The following TMEM156 variants were observed in gnomAD, a reference collection of about 807,000 sequenced individuals.
TMEM156 encodes transmembrane protein 156.
Under a neutral mutation model 30.5 loss-of-function variants are expected in TMEM156, and 28 were observed. The observed-to-expected ratio is 0.92, with a 90% CI of 0.68 to 1.26. TMEM156 has a LOEUF of 1.26. Ranked by LOEUF, TMEM156 falls within the 50% of genes most tolerant of loss-of-function variation. The pLI, the probability that TMEM156 is intolerant of heterozygous loss-of-function variation, is 0.00. For missense variants in TMEM156, 351 were observed against 340.6 expected, an observed-to-expected ratio of 1.03 and a Z score of -0.24; for synonymous variants, 137 against 119.9, an observed-to-expected ratio of 1.14 and a Z score of -0.93.
chr4:39,003,028 TATA>T (rs1430278513), intron 1 of TMEM156, among the ~76,000 whole-genome samples: 2 of 152,052 alleles, frequency 1.3e-5, no homozygotes, highest in African/African-American at 4.8e-5. Context: ...AAACTTAAAG[TATA>T]ATAATAAAAA....
intron 3 of TMEM156, among the ~76,000 whole-genome samples, chr4:38,992,729 A>G (rs1712599217): frequency 8.0e-5 from 4 of 49,782 alleles, no homozygotes. Flanking sequence ...TATATAATAT[A>G]TATATAATAT....
intron 1 of TMEM156, among the ~76,000 whole-genome samples, chr4:39,022,551 T>G (rs1714939030): frequency 6.6e-6 from 1 of 152,238 alleles, no homozygotes; most frequent in South Asian, 2.1e-4. Flanking sequence ...TAACTCTACA[T>G]TTCTAAAGTT....
rs143065125 is a variant in TMEM156, at chr4:38,976,563, G to A, written c.824-5426C>T. 3.9e-4 allele frequency among the ~76,000 whole-genome samples: 60 copies of A among 152,302 alleles called. No individual in the cohort carries two copies. The East Asian group carries it at 8.9e-3, about 23-fold the overall frequency. On this transcript the variant is annotated intron_variant, in intron 5 of 6. Coordinates refer to ENST00000381938, the MANE Select transcript of TMEM156 (RefSeq NM_024943.3). ...TAAGCAGAAGATCCGGTTAAGCCACGCACAGATATCTGACCAACAGAAACT... is the reference window on the plus strand; with the variant it reads ...TAAGCAGAAGATCCGGTTAAGCCACACACAGATATCTGACCAACAGAAACT...
At chr4:38,996,915 GGATA>G (rs1192295552) in intron 2 of TMEM156, among the ~76,000 whole-genome samples, 2 of 152,064 alleles carry the variant, frequency 1.3e-5, no homozygotes, top group Non-Finnish European at 2.9e-5. Flanking sequence ...CTGGAGAGAT[GGATA>G]GATAGATAGA....
At chr4:38,978,478 G>A (rs2109881855) in intron 5 of TMEM156, among the ~76,000 whole-genome samples, 1 of 152,260 alleles carries the variant, frequency 6.6e-6, no homozygotes, top group East Asian at 1.9e-4. Flanking sequence ...AATATGGGCT[G>A]AATGATCAAA....
intron 1 of TMEM156, among the ~76,000 whole-genome samples, chr4:39,020,265 T>A (rs1179285982): frequency 3.3e-5 from 5 of 152,340 alleles, no homozygotes; most frequent in Non-Finnish European, 5.9e-5. Flanking sequence ...GCAATGGATA[T>A]GGGAGTTCAG....
chr4:38,998,222 T>A (rs1226303708), intron 2 of TMEM156, among the ~76,000 whole-genome samples: 1 of 152,118 alleles, frequency 6.6e-6, no homozygotes, highest in African/African-American at 2.4e-5. Context: ...GCCACATCAT[T>A]GAATGTTCCA....
chr4:39,005,819 C>A (rs1713690493), intron 1 of TMEM156, among the ~76,000 whole-genome samples: 1 of 152,146 alleles, frequency 6.6e-6, no homozygotes, highest in Admixed American at 6.5e-5. Flanking sequence ...TTTAGTGTTT[C>A]TTCAGTTTTA....
intron 1 of TMEM156, among the ~76,000 whole-genome samples, chr4:39,003,585 C>A (rs191958814): frequency 1.5e-4 from 23 of 152,112 alleles, no homozygotes; most frequent in Admixed American, 6.6e-4. Flanking sequence ...CCGCCCACCT[C>A]GGCCTCCCAA....
intron 5 of TMEM156, among the ~76,000 whole-genome samples, chr4:38,975,415 C>T (rs1722803818): frequency 7.6e-6 from 1 of 132,084 alleles, no homozygotes; most frequent in Non-Finnish European, 1.6e-5. Flanking sequence ...CAGAGTCTCG[C>T]TTTTTCACCC....
rs563091364 is a variant in TMEM156 at position 39,028,928 on chromosome 4, A to T, written c.88+3298T>A. 2.6e-5 allele frequency among the ~76,000 whole-genome samples: 4 copies of T among 152,358 alleles called. No homozygotes were observed. The East Asian group carries it at 7.7e-4, about 29-fold the overall frequency. ...AATAGTGCATACCCAATGCAAACCC[A>T]TTAAAAGTCTCACACAGTGTTGAAG... On this transcript the variant is annotated intron_variant, in intron 1 of 6. Coordinates refer to ENST00000381938, the MANE Select transcript of TMEM156 (RefSeq NM_024943.3).
intron 5 of TMEM156, among the ~76,000 whole-genome samples, chr4:38,978,621 A>G (rs1723015263): frequency 6.6e-6 from 1 of 152,172 alleles, no homozygotes. Flanking sequence ...TCTGATTTTA[A>G]TCTATAAAAT....
At position 38,993,948 on chromosome 4, in the gene TMEM156, G is replaced by C; in HGVS notation, c.409C>G (p.Pro137Ala). ...MEVKANDFHS[P>A]CQHFNFSVAP... ...ACACTGAAGTTAAAGTGCTGACAAG[G>C]TGAATGAAAATCATTTGCTTTCACT... is the stretch of plus-strand genomic sequence containing the variant. The change falls in exon 3 of 7, where the codon CCT becomes GCT. Residue 137 changes from proline (P) to alanine (A), a missense_variant. Coordinates refer to ENST00000381938, the MANE Select transcript of TMEM156 (RefSeq NM_024943.3). 1.2e-6 allele frequency: 2 copies of C among 1,613,952 alleles called. No individual in the cohort carries two copies. Among genetic ancestry groups the C allele is most frequent in the Non-Finnish European group, 1.7e-6 (2 of 1,179,894 alleles).
intron 1 of TMEM156, among the ~76,000 whole-genome samples, chr4:39,013,736 TA>T (rs1384786316): frequency 2.0e-5 from 3 of 152,102 alleles, no homozygotes; most frequent in Non-Finnish European, 4.4e-5. Flanking sequence ...AGTGTGTATT[TA>T]AAAAAGCTAA....
At chr4:38,972,950 TTC>T (rs946034227) in intron 5 of TMEM156, among the ~76,000 whole-genome samples, 31 of 152,216 alleles carry the variant, frequency 2.0e-4, no homozygotes, top group Non-Finnish European at 3.4e-4. Context: ...GATGAGTCTC[TTC>T]TCTGAGTTTT....
rs1219406883 is a variant in TMEM156 at position 39,032,383 on chromosome 4, T to G, written c.-70A>C. On this transcript the variant is annotated 5_prime_UTR_variant, in exon 1 of 7. Coordinates refer to ENST00000381938, the MANE Select transcript of TMEM156 (RefSeq NM_024943.3). Reference sequence around the variant, plus strand: ...GGTATGTTGCTTCCTGCTTTAAGTTTATCTCTGCAGCACTTTAGGTTAATG... The same window carrying G: ...GGTATGTTGCTTCCTGCTTTAAGTTGATCTCTGCAGCACTTTAGGTTAATG... 2.1e-6 allele frequency: 2 copies of G among 932,302 alleles called. No homozygotes were observed. The highest frequency in any genetic ancestry group is 1.6e-5 in the African/African-American group (1 of 61,136). 57.8% of individuals were successfully genotyped at this position (932,302 alleles called of 1,614,324 possible).
intron 1 of TMEM156, among the ~76,000 whole-genome samples, chr4:39,014,980 C>G (rs964652371): frequency 3.3e-5 from 5 of 152,088 alleles, no homozygotes; most frequent in Non-Finnish European, 4.4e-5. Context: ...AGATTAAAAA[C>G]CATGGACTGA....
intron 1 of TMEM156, among the ~76,000 whole-genome samples, chr4:38,999,188 C>T (rs1272015970): frequency 7.0e-6 from 1 of 143,350 alleles, no homozygotes; most frequent in Admixed American, 7.4e-5. Flanking sequence ...GTAATCATAG[C>T]TTACTGCAGC....
rs571497425 is a variant in TMEM156, at chr4:39,013,589, C to T, written c.89-14680G>A. Among the ~76,000 whole-genome samples, 532 of 151,702 alleles carry T rather than the reference C, an allele frequency of 3.5e-3. 1 individual carries two copies. Among genetic ancestry groups the T allele is most frequent in the African/African-American group, 0.012 (509 of 41,404 alleles). On this transcript the variant is annotated intron_variant, in intron 1 of 6. Transcript: ENST00000381938. The stretch of plus-strand genomic sequence containing the variant: ...CTAATTTTTTGTATTTTAATAGAGA[C>T]GGGGGTTTCACCATGTTGGCCAGGA...
Sources: allele counts gnomAD v4.1 joint callset (sites outside exome capture counted in the v4.1 genomes callset), GRCh38; gene constraint gnomAD v4.1.1; transcripts MANE v1.5; gene names NCBI Gene and HGNC (gene_info 2026-07-23, HGNC 2026-07-21).